The following LINGO2 variants were observed in gnomAD, a reference collection of about 807,000 sequenced individuals.
LINGO2 encodes leucine rich repeat and Ig domain containing 2.
In LINGO2, 14 loss-of-function variants were observed where a neutral mutation model predicts 30.6. The ratio of observed to expected loss-of-function variants is 0.46; its 90% CI spans 0.30 to 0.72. The LOEUF is 0.72. LINGO2 is among the 30% of genes least tolerant of loss of function. The probability of loss-of-function intolerance (pLI) is 0.07; values close to 1 mark genes in which losing one functional copy is unlikely to be tolerated. For missense variants in LINGO2, 729 were observed against 751.7 expected (o/e 0.97, Z 0.35); for synonymous variants, 317 against 288.5 (o/e 1.10, Z -1.00).
the LINGO2 span, among the ~76,000 whole-genome samples, chr9:29,189,751 T>C: frequency 6.6e-6 from 1 of 152,160 alleles, no homozygotes; most frequent in African/African-American, 2.4e-5. Context: ...AGACTCCGTC[T>C]GCAATCCCGG....
chr9:28,949,669 T>C, the LINGO2 span, among the ~76,000 whole-genome samples: 432 of 152,242 alleles, frequency 2.8e-3, 3 homozygotes, highest in African/African-American at 1.0e-2. Context: ...ACAGCCGAAT[T>C]CTACCAGAGG....
At chr9:27,958,680 ATAGGGAAAAACATAGTATTTG>A (rs1331378073) in intron 5 of LINGO2, among the ~76,000 whole-genome samples, 1 of 152,162 alleles carries the variant, frequency 6.6e-6, no homozygotes, top group African/African-American at 2.4e-5. Context: ...GTGTGTATAC[ATAGGGAAAAACATAGTATTTG>A]TAGGGTTTGG....
At position 28,058,473 on chromosome 9, in the gene LINGO2, C is replaced by T. The variant is rs576668707; in HGVS notation, c.-86-46068G>A. 5.3e-5 allele frequency among the ~76,000 whole-genome samples: 8 copies of T among 152,110 alleles called. No homozygotes were observed. In the East Asian group the frequency reaches 1.5e-3, roughly 29 times the overall value. On this transcript the variant is annotated intron_variant, in intron 4 of 5. Transcript: ENST00000379992. ...TGACATAACTCATTCTTTCTTTTTCCGCAGCACATGCTTAAATAAACTTAT... is the reference window on the plus strand; with the variant it reads ...TGACATAACTCATTCTTTCTTTTTCTGCAGCACATGCTTAAATAAACTTAT...
chr9:28,223,424 G>T (rs1362464800), intron 4 of LINGO2, among the ~76,000 whole-genome samples: 1 of 152,158 alleles, frequency 6.6e-6, no homozygotes, highest in African/African-American at 2.4e-5. Flanking sequence ...TTCACAAGGG[G>T]AGAAGCCCTT....
the LINGO2 span, among the ~76,000 whole-genome samples, chr9:28,706,545 A>G: frequency 6.6e-6 from 1 of 152,280 alleles, no homozygotes; most frequent in East Asian, 1.9e-4. Flanking sequence ...CATTTTTGCC[A>G]GCTAAAACTT....
At chr9:28,928,461 G>C in the LINGO2 span, among the ~76,000 whole-genome samples, 2 of 151,850 alleles carry the variant, frequency 1.3e-5, no homozygotes, top group African/African-American at 4.8e-5. Flanking sequence ...AACTGTGTAG[G>C]TCCACTTATA....
At chr9:28,346,628 T>C (rs920352234) in intron 3 of LINGO2, among the ~76,000 whole-genome samples, 2 of 152,186 alleles carry the variant, frequency 1.3e-5, no homozygotes, top group African/African-American at 4.8e-5. Flanking sequence ...CTTTCCACAA[T>C]GGTTGAACTA....
At chr9:28,315,833 G>A (rs999735655) in intron 3 of LINGO2, among the ~76,000 whole-genome samples, 45 of 152,252 alleles carry the variant, frequency 3.0e-4, no homozygotes, top group African/African-American at 1.1e-3. Context: ...CTATGAATAT[G>A]ACATTCAAAG....
At chr9:28,574,173 T>C (rs1223272059) in intron 1 of LINGO2, among the ~76,000 whole-genome samples, 1 of 152,184 alleles carries the variant, frequency 6.6e-6, no homozygotes, top group Non-Finnish European at 1.5e-5. Flanking sequence ...CATGTGAGTG[T>C]GTGTGAGAAA....
At chr9:28,342,190 C>G (rs1256426626) in intron 3 of LINGO2, among the ~76,000 whole-genome samples, 22 of 152,116 alleles carry the variant, frequency 1.4e-4, no homozygotes, top group Admixed American at 1.3e-3. Context: ...CTCTCGCTGT[C>G]TATATAGCTA....
the LINGO2 span, among the ~76,000 whole-genome samples, chr9:28,959,585 T>C: frequency 2.5e-5 from 1 of 39,416 alleles, no homozygotes; most frequent in African/African-American, 9.6e-5. Context: ...CTCTTTTCTT[T>C]TATCTCTCTC....
chr9:28,043,616 T>C lies in LINGO2; in HGVS notation c.-86-31211A>G, dbSNP rs528607005. Among the ~76,000 whole-genome samples, 5 of 152,302 alleles carry C rather than the reference T, an allele frequency of 3.3e-5. No homozygotes were observed. The East Asian group carries it at 9.7e-4, about 29-fold the overall frequency. On this transcript the variant is annotated intron_variant, in intron 4 of 5. Coordinates refer to ENST00000379992, the Ensembl canonical transcript of LINGO2. ...TTTTCTTTATGGAAAGTTTCAAACA[T>C]ATACAAAACTATGAAAGAATTAACC...
chr9:28,613,650 GGTGGGAAGGTA>G (rs1237190250), intron 1 of LINGO2, among the ~76,000 whole-genome samples: 1 of 152,058 alleles, frequency 6.6e-6, no homozygotes, highest in Non-Finnish European at 1.5e-5. Context: ...AAGGACTACT[GGTGGGAAGGTA>G]GTGGGAATAT....
chr9:29,044,102 C>T, the LINGO2 span, among the ~76,000 whole-genome samples: 1 of 151,956 alleles, frequency 6.6e-6, no homozygotes, highest in Non-Finnish European at 1.5e-5. Flanking sequence ...AAGTTCTATG[C>T]CTCAGTTTCC....
intron 1 of LINGO2, among the ~76,000 whole-genome samples, chr9:28,578,996 A>G (rs1164477641): frequency 6.6e-6 from 1 of 152,130 alleles, no homozygotes; most frequent in Non-Finnish European, 1.5e-5. Context: ...GATAGAATAA[A>G]GATCGTAAGA....
intron 1 of LINGO2, among the ~76,000 whole-genome samples, chr9:28,516,449 C>G (rs1041467065): frequency 1.3e-4 from 20 of 152,154 alleles, no homozygotes; most frequent in African/African-American, 4.8e-4. Flanking sequence ...GGAGATGGAG[C>G]CACAGCCTGT....
chr9:28,372,033 G>C (rs185824811), intron 3 of LINGO2, among the ~76,000 whole-genome samples: 42 of 152,248 alleles, frequency 2.8e-4, no homozygotes, highest in African/African-American at 9.9e-4. Context: ...CACACAATAT[G>C]TAACTAGGAT....
At chr9:28,512,622 T>TGG (rs1820448970) in intron 1 of LINGO2, among the ~76,000 whole-genome samples, 1 of 10,012 alleles carries the variant, frequency 1.0e-4, no homozygotes, top group Non-Finnish European at 2.6e-4. Context: ...TATATATATA[T>TGG]ATATATATAT....
At chr9:28,349,306 G>C (rs1442849522) in intron 3 of LINGO2, among the ~76,000 whole-genome samples, 2 of 146,374 alleles carry the variant, frequency 1.4e-5, no homozygotes, top group Admixed American at 1.4e-4. Flanking sequence ...GTGCTTAAAG[G>C]AGCTGATGGA....
Sources: allele counts gnomAD v4.1 joint callset (sites outside exome capture counted in the v4.1 genomes callset), GRCh38; gene constraint gnomAD v4.1.1; transcripts MANE v1.5; gene names NCBI Gene and HGNC (gene_info 2026-07-23, HGNC 2026-07-21).